Variants in EYA2 observed in about 807,000 individuals in gnomAD.
The protein encoded by EYA2 is EYA transcriptional coactivator and phosphatase 2.
EYA2 carries 31 observed loss-of-function variants against 69.2 expected under a neutral mutation model. The observed-to-expected ratio is 0.45, with a 90% CI of 0.34 to 0.60. The LOEUF (loss-of-function observed/expected upper bound fraction) is 0.60, where lower values mean the gene tolerates loss of function less well. Ranked by LOEUF, EYA2 falls within the 20% of genes least tolerant of loss-of-function variation. EYA2 has a pLI of 0.02. For synonymous variants in EYA2, 257 were observed against 279.4 expected (o/e 0.92, Z 0.80); for missense variants, 622 against 701.2 (o/e 0.89, Z 1.28).
chr20:47,185,276 C>CTTTTTTTTTTTTTTTTTTTTTTT (rs765083065), intron 15 of EYA2, among the ~76,000 whole-genome samples: 1 of 55,932 alleles, frequency 1.8e-5, no homozygotes, highest in South Asian at 8.3e-4. Context: ...GAATCACACT[C>CTTTTTTTTTTTTTTTTTTTTTTT]TTTTTTTTTT....
intron 7 of EYA2, among the ~76,000 whole-genome samples, chr20:47,087,924 G>A (rs1435893811): frequency 1.3e-5 from 2 of 152,230 alleles, no homozygotes; most frequent in African/African-American, 4.8e-5. Flanking sequence ...AGCTTAAAAG[G>A]CTTGCATTTA....
intron 5 of EYA2, among the ~76,000 whole-genome samples, chr20:47,070,923 A>C (rs1272816322): frequency 2.0e-4 from 30 of 151,936 alleles, no homozygotes; most frequent in Admixed American, 2.0e-3. Context: ...ATTGTAGTTT[A>C]CTGCAGCCTC....
intron 5 of EYA2, among the ~76,000 whole-genome samples, chr20:47,056,503 T>C (rs781573151): frequency 3.3e-5 from 5 of 152,198 alleles, no homozygotes; most frequent in Non-Finnish European, 5.9e-5. Flanking sequence ...AGCTCCCGTT[T>C]GTTGAACATG....
At chr20:46,968,795 G>A (rs971223761) in intron 1 of EYA2, among the ~76,000 whole-genome samples, 2 of 150,382 alleles carry the variant, frequency 1.3e-5, no homozygotes, top group Admixed American at 6.6e-5. Flanking sequence ...GCCCCCCACC[G>A]ACCCCACTAA....
chr20:47,022,702 G>A (rs1207018696), intron 5 of EYA2, among the ~76,000 whole-genome samples: 1 of 140,594 alleles, frequency 7.1e-6, no homozygotes, highest in African/African-American at 2.7e-5. Flanking sequence ...CACCCGGGCT[G>A]GAGTGCAGTG....
chr20:47,003,691 C>G (rs1439054643), intron 3 of EYA2, among the ~76,000 whole-genome samples: 1 of 152,236 alleles, frequency 6.6e-6, no homozygotes, highest in Non-Finnish European at 1.5e-5. Context: ...GATGTGGCCC[C>G]TGGGCCACCA....
chr20:47,014,407 G>A (rs1467768076), intron 4 of EYA2, among the ~76,000 whole-genome samples: 1 of 152,204 alleles, frequency 6.6e-6, no homozygotes, highest in African/African-American at 2.4e-5. Flanking sequence ...ATGAGATACT[G>A]TTCTATACCC....
chr20:46,919,942 C>T (rs1406570381), intron 1 of EYA2, among the ~76,000 whole-genome samples: 9 of 152,034 alleles, frequency 5.9e-5, no homozygotes, highest in Admixed American at 2.6e-4. Flanking sequence ...TTGTGTTTCA[C>T]GGAATGGGGA....
chr20:46,940,717 G>C (rs1302241262), intron 1 of EYA2, among the ~76,000 whole-genome samples: 3 of 152,180 alleles, frequency 2.0e-5, no homozygotes, highest in Non-Finnish European at 4.4e-5. Context: ...AAGGTGACAG[G>C]CCAGCTCAGG....
rs1303977466 is a variant in EYA2 at position 46,894,951 on chromosome 20, C to G, written c.-47C>G. On this transcript the variant is annotated 5_prime_UTR_variant, in exon 1 of 16. Coordinates refer to ENST00000327619, the MANE Select transcript of EYA2 (RefSeq NM_005244.5). ...GGACCCGCACCGGCCCGCCCGCCCG[C>G]CCGCACCGCGTCGGGGCGCCCTCTC... is the stretch of plus-strand genomic sequence containing the variant. 3 of 151,550 alleles carry G rather than the reference C, an allele frequency of 2.0e-5. No homozygotes were observed. Among genetic ancestry groups the G allele is most frequent in the Non-Finnish European group, 4.4e-5 (3 of 67,878 alleles). 9.4% of individuals were successfully genotyped at this position (151,550 alleles called of 1,614,324 possible).
At chr20:47,129,410 A>T (rs1382109892) in intron 9 of EYA2, among the ~76,000 whole-genome samples, 3 of 152,178 alleles carry the variant, frequency 2.0e-5, no homozygotes, top group Admixed American at 2.0e-4. Context: ...GTTACAAAGG[A>T]TCCAGCCCTG....
At chr20:47,035,516 A>T (rs2054780603) in intron 5 of EYA2, among the ~76,000 whole-genome samples, 1 of 152,200 alleles carries the variant, frequency 6.6e-6, no homozygotes, top group South Asian at 2.1e-4. Flanking sequence ...CCGAAGGGGA[A>T]GAAAAAAATC....
chr20:47,021,975 A>T (rs568716737), intron 5 of EYA2, among the ~76,000 whole-genome samples: 1 of 152,334 alleles, frequency 6.6e-6, no homozygotes, highest in African/African-American at 2.4e-5. Context: ...TGCTAACAAG[A>T]GTTCCAGGAA....
At chr20:47,151,656 G>A (rs2033825676) in intron 10 of EYA2, among the ~76,000 whole-genome samples, 1 of 151,924 alleles carries the variant, frequency 6.6e-6, no homozygotes, top group South Asian at 2.1e-4. Context: ...TGTCCTTAGG[G>A]AAGTCTTACC....
At chr20:47,161,649 C>T (rs115484936) in intron 10 of EYA2, 2,419 of 207,498 alleles carry the variant, frequency 0.012, 61 homozygotes, top group African/African-American at 0.053. Context: ...GAAGCCTCCA[C>T]AGAAGCCACC....
intron 5 of EYA2, among the ~76,000 whole-genome samples, chr20:47,063,014 G>A (rs910670913): frequency 4.6e-5 from 7 of 152,146 alleles, no homozygotes; most frequent in Non-Finnish European, 8.8e-5. Context: ...GGCCATGGGG[G>A]CAGTGTGGGG....
intron 7 of EYA2, among the ~76,000 whole-genome samples, chr20:47,082,280 T>C (rs967798173): frequency 6.6e-6 from 1 of 152,096 alleles, no homozygotes; most frequent in African/African-American, 2.4e-5. Context: ...TAAAATTTTT[T>C]AAAAATAAGA....
At chr20:46,941,956 C>G (rs1326951211) in intron 1 of EYA2, among the ~76,000 whole-genome samples, 1 of 151,964 alleles carries the variant, frequency 6.6e-6, no homozygotes, top group Non-Finnish European at 1.5e-5. Context: ...TGGGATCTCA[C>G]TATGTCGCCC....
intron 1 of EYA2, among the ~76,000 whole-genome samples, chr20:46,926,813 A>G (rs1352654872): frequency 6.6e-6 from 1 of 152,214 alleles, no homozygotes; most frequent in African/African-American, 2.4e-5. Context: ...AATTAAAAAT[A>G]AATGCAACAC....
Sources: allele counts gnomAD v4.1 joint callset (sites outside exome capture counted in the v4.1 genomes callset), GRCh38; gene constraint gnomAD v4.1.1; transcripts MANE v1.5; gene names NCBI Gene and HGNC (gene_info 2026-07-23, HGNC 2026-07-21).